The following URI1 variants were observed in gnomAD, a reference collection of about 807,000 sequenced individuals.
The protein encoded by URI1 is URI1 prefoldin like chaperone, also known as unconventional prefoldin RPB5 interactor 1.
Under a neutral mutation model 60.2 loss-of-function variants are expected in URI1, and 39 were observed. The observed-to-expected ratio is 0.65, with a 90% CI of 0.50 to 0.85. URI1 has a LOEUF of 0.85. Ranked by LOEUF, URI1 falls within the 40% of genes least tolerant of loss-of-function variation. The pLI, the probability that URI1 is intolerant of heterozygous loss-of-function variation, is 0.00. For synonymous variants in URI1, 251 were observed against 236.8 expected, an observed-to-expected ratio of 1.06 and a Z score of -0.55; for missense variants, 691 against 665.9, an observed-to-expected ratio of 1.04 and a Z score of -0.42.
At chr19:29,948,171 A>T (rs1209111704) in intron 1 of URI1, among the ~76,000 whole-genome samples, 1 of 152,140 alleles carries the variant, frequency 6.6e-6, no homozygotes, top group South Asian at 2.1e-4. Flanking sequence ...ACTTTGTGTT[A>T]TCTTGGTACC....
chr19:29,957,515 G>C (rs1473745928), intron 1 of URI1, among the ~76,000 whole-genome samples: 1 of 152,050 alleles, frequency 6.6e-6, no homozygotes, highest in Admixed American at 6.6e-5. Context: ...AATTGCACCA[G>C]TATCACACTC....
At chr19:29,943,617 T>C (rs933982417) in intron 1 of URI1, among the ~76,000 whole-genome samples, 1 of 152,146 alleles carries the variant, frequency 6.6e-6, no homozygotes, top group Admixed American at 6.5e-5. Flanking sequence ...AGAACGACTG[T>C]TTACATAGAT....
At position 30,009,207 on chromosome 19, in the gene URI1, C is replaced by G; in HGVS notation, c.889C>G (p.His297Asp). 1 of 1,588,838 alleles carries G rather than the reference C, an allele frequency of 6.3e-7. No individual in the cohort carries two copies. The highest frequency in any genetic ancestry group is 1.4e-5 in the African/African-American group (1 of 70,088). Reference protein sequence around the residue: ...NCSVNGSSSYHSDDDDDDDDD... With the variant: ...NCSVNGSSSYDSDDDDDDDDD... ...TTCAGTGAATGGTTCCAGTTCTTAC[C>G]ACAGTGATGATGATGATGATGATGA... The change falls in exon 8 of 11, where the codon CAC (histidine) becomes GAC (aspartate). Residue 297 changes from histidine to aspartate, a missense_variant. By Grantham distance (81) the His-to-Asp change is moderately conservative. Coordinates refer to ENST00000392271, the MANE Select transcript of URI1 (RefSeq NM_003796.3).
chr19:30,007,222 C>T (rs1474047311), intron 6 of URI1, among the ~76,000 whole-genome samples: 2 of 152,028 alleles, frequency 1.3e-5, no homozygotes, highest in Non-Finnish European at 2.9e-5. Flanking sequence ...TTCAGTGGGT[C>T]TAGGGTGTCC....
At chr19:29,996,855 A>G (rs1047952466) in intron 4 of URI1, among the ~76,000 whole-genome samples, 6 of 151,894 alleles carry the variant, frequency 4.0e-5, no homozygotes, top group Non-Finnish European at 7.4e-5. Context: ...TTTGGATTCA[A>G]TCGAGATTAC....
chr19:29,949,729 G>A (rs902772681), intron 1 of URI1, among the ~76,000 whole-genome samples: 4 of 151,940 alleles, frequency 2.6e-5, no homozygotes, highest in African/African-American at 4.8e-5. Context: ...CCAACACAGC[G>A]AAACCCTGTC....
chr19:29,971,168 G>A lies in URI1; in HGVS notation c.118-25G>A, dbSNP rs372270175. On this transcript the variant is annotated intron_variant, in intron 1 of 10. Coordinates refer to ENST00000392271, the MANE Select transcript of URI1 (RefSeq NM_003796.3). ...TCTGTGCATAGCTCTGTTTTTTCAT[G>A]AGTAGTTATCTGTTTTCATGACAGG... 3.9e-5 allele frequency: 63 copies of A among 1,611,784 alleles called. No individual in the cohort carries two copies. In the African/African-American group the frequency reaches 7.1e-4, roughly 18 times the overall value.
At chr19:29,957,802 A>G (rs1488471429) in intron 1 of URI1, among the ~76,000 whole-genome samples, 6 of 151,810 alleles carry the variant, frequency 4.0e-5, no homozygotes, top group African/African-American at 1.2e-4. Context: ...ACTTTTTAGT[A>G]TTAGCTTTTA....
chr19:29,945,714 C>T (rs966892957), intron 1 of URI1, among the ~76,000 whole-genome samples: 9 of 152,084 alleles, frequency 5.9e-5, no homozygotes, highest in African/African-American at 2.2e-4. Flanking sequence ...GGAGCTGTTA[C>T]GTAGGCATTG....
intron 10 of URI1, chr19:30,014,050 T>C (rs1021160732): frequency 1.5e-4 from 23 of 151,426 alleles, no homozygotes; most frequent in African/African-American, 5.6e-4. Flanking sequence ...GAGGGAAGGA[T>C]GGAGGTTCTA....
chr19:29,976,004 C>T (rs918322521), intron 2 of URI1, among the ~76,000 whole-genome samples: 1 of 152,150 alleles, frequency 6.6e-6, no homozygotes, highest in African/African-American at 2.4e-5. Context: ...AATACTATAC[C>T]TACCCTGTAT....
chr19:30,009,111 C>T lies in URI1; in HGVS notation c.793C>T (p.His265Tyr), dbSNP rs768566007. ...VNAMHQVTDS[H>Y]TPCHKDVASS... ...TGCGATGCATCAAGTAACAGACTCT[C>T]ATACTCCTTGTCATAAGGATGTTGC... is the stretch of plus-strand genomic sequence containing the variant. The change falls in exon 8 of 11, where the codon CAT (histidine) becomes TAT (tyrosine). Residue 265 changes from histidine (H) to tyrosine (Y), a missense_variant. Coordinates refer to ENST00000392271, the MANE Select transcript of URI1 (RefSeq NM_003796.3). 24 of 1,613,890 alleles carry T rather than the reference C, an allele frequency of 1.5e-5. No homozygotes were observed. In the South Asian group the frequency reaches 2.6e-4, roughly 18 times the overall value.
intron 6 of URI1, among the ~76,000 whole-genome samples, chr19:30,006,351 T>TA (rs1568444544): frequency 6.6e-6 from 1 of 152,148 alleles, no homozygotes; most frequent in African/African-American, 2.4e-5. Flanking sequence ...TACAGTGTCT[T>TA]AAACAAATGT....
rs185863425 is a variant in URI1, at chr19:29,960,194, C to T, written c.118-10999C>T. Among the ~76,000 whole-genome samples the T allele has an allele frequency of 3.9e-4, 60 of 152,034 alleles. No homozygotes were observed. The East Asian group carries it at 7.2e-3, about 18-fold the overall frequency. ...TTGAAATTTAAGTCTTGCCTTTTGA[C>T]CTAATGTTTTCTTTTTCTTGGTAAA... On this transcript the variant is annotated intron_variant, in intron 1 of 10. Transcript: ENST00000392271.
At chr19:29,999,349 A>C (rs2055850227) in intron 4 of URI1, among the ~76,000 whole-genome samples, 1 of 152,062 alleles carries the variant, frequency 6.6e-6, no homozygotes, top group Non-Finnish European at 1.5e-5. Context: ...CTTGGATTGC[A>C]GGTCTAGTGG....
intron 4 of URI1, 58 bp downstream of exon 4, chr19:29,986,475 C>T (rs73044839): frequency 0.018 from 27,831 of 1,558,934 alleles, 328 homozygotes; most frequent in Non-Finnish European, 0.022. Flanking sequence ...TCACAGATTG[C>T]CAAGCTGAAG....
rs1296573551 is a variant in URI1, at chr19:29,942,281, G to A, written c.-267G>A. The A allele has an allele frequency of 1.0e-6, 1 of 985,126 alleles. No individual in the cohort carries two copies. Among genetic ancestry groups the A allele is most frequent in the Non-Finnish European group, 1.2e-6 (1 of 829,710 alleles). 61.0% of individuals were successfully genotyped at this position (985,126 alleles called of 1,614,324 possible). A position where few individuals can be genotyped will look rare whatever the true frequency, so the allele number is the denominator to read the frequency against. On this transcript the variant is annotated 5_prime_UTR_variant, in exon 1 of 11. Coordinates refer to ENST00000392271, the MANE Select transcript of URI1 (RefSeq NM_003796.3). ...CGCCACGCGACGCCTGGCTGGGCCC[G>A]CACCGGAGAGGCGTCTCGGTACCTG...
chr19:29,979,902 T>C (rs1348846275), intron 2 of URI1, among the ~76,000 whole-genome samples: 2 of 152,206 alleles, frequency 1.3e-5, no homozygotes, highest in Non-Finnish European at 2.9e-5. Context: ...AGTGTAATGC[T>C]ATTGATTTAA....
intron 1 of URI1, among the ~76,000 whole-genome samples, chr19:29,935,399 G>A (rs2054960147): frequency 6.6e-6 from 1 of 152,024 alleles, no homozygotes; most frequent in South Asian, 2.1e-4. Flanking sequence ...TCATGCATTT[G>A]CCCTTTAAAT....
Sources: gnomAD v4.1 joint callset for allele counts (sites outside exome capture counted in the v4.1 genomes callset) on GRCh38, gnomAD v4.1.1 for gene constraint, MANE v1.5 for transcripts, NCBI Gene and HGNC (gene_info 2026-07-23, HGNC 2026-07-21) for gene names.